Variants in CUX1 observed in about 807,000 individuals in gnomAD.
The protein encoded by CUX1 is cut like homeobox 1.
CUX1 carries 31 observed loss-of-function variants against 158.8 expected under a neutral mutation model. The observed-to-expected ratio is 0.20, with a 90% CI of 0.15 to 0.26. The LOEUF (loss-of-function observed/expected upper bound fraction) is 0.26. CUX1 is among the 10% of genes least tolerant of loss of function. The pLI is 1.00. For missense variants in CUX1, 1,589 were observed against 2,014.6 expected, an observed-to-expected ratio of 0.79 and a Z score of 4.04; for synonymous variants, 879 against 862.1, an observed-to-expected ratio of 1.02 and a Z score of -0.34.
At chr7:102,209,350 A>G (rs1356586608) in intron 20 of CUX1, among the ~76,000 whole-genome samples, 3 of 152,210 alleles carry the variant, frequency 2.0e-5, no homozygotes, top group Non-Finnish European at 4.4e-5. Flanking sequence ...GGGCTTGGGC[A>G]TTAAGGAAAT....
intron 2 of CUX1, among the ~76,000 whole-genome samples, chr7:102,009,515 A>G (rs1283776511): frequency 1.3e-5 from 2 of 152,172 alleles, no homozygotes; most frequent in South Asian, 2.1e-4. Context: ...CTGGTCTCGA[A>G]CTCCTGACCT....
At chr7:101,868,658 G>C (rs986496962) in intron 1 of CUX1, among the ~76,000 whole-genome samples, 2 of 152,194 alleles carry the variant, frequency 1.3e-5, no homozygotes, top group African/African-American at 4.8e-5. Flanking sequence ...TGGGGTTACT[G>C]AAGCAGGAGT....
intron 2 of CUX1, among the ~76,000 whole-genome samples, chr7:101,948,966 T>G (rs1029618451): frequency 2.0e-5 from 3 of 152,188 alleles, no homozygotes; most frequent in Admixed American, 6.5e-5. Context: ...GCACAGAAGT[T>G]CAGAGTAGGT....
Position 102,178,409 on chromosome 7 carries a change from T to C in CUX1, c.829-60T>C, listed in dbSNP as rs1317906737. ...CTTCTGTCTCAGTTGCCAGCACAGG[T>C]AGCCTCGAGCACCCGCCTCAAGGCC... On this transcript the variant is annotated intron_variant, in intron 10 of 23. Coordinates refer to ENST00000292535, the MANE Select transcript of CUX1 (RefSeq NM_181552.4). 16 of 1,488,160 alleles carry C rather than the reference T, an allele frequency of 1.1e-5. No individual in the cohort carries two copies. In the East Asian group the frequency reaches 3.7e-4, roughly 34 times the overall value. The allele number at this position is 1,488,160 out of a possible 1,614,324, so 92.2% of individuals were successfully genotyped here.
chr7:101,834,952 C>T (rs1794461876), intron 1 of CUX1, among the ~76,000 whole-genome samples: 2 of 151,854 alleles, frequency 1.3e-5, no homozygotes, highest in Admixed American at 1.3e-4. Flanking sequence ...GCCAAGATCT[C>T]GCCACTGCAC....
chr7:102,142,078 G>A (rs947382007), intron 8 of CUX1, among the ~76,000 whole-genome samples: 33 of 152,126 alleles, frequency 2.2e-4, no homozygotes, highest in Non-Finnish European at 3.2e-4. Flanking sequence ...GCACCACTGC[G>A]CCGCCCTGCA....
intron 13 of CUX1, among the ~76,000 whole-genome samples, chr7:102,194,634 G>T (rs1794606904): frequency 6.6e-6 from 1 of 151,462 alleles, no homozygotes; most frequent in South Asian, 2.1e-4. Flanking sequence ...AGCCAAAAAT[G>T]GATTGGTTTA....
intron 8 of CUX1, among the ~76,000 whole-genome samples, chr7:102,134,107 G>A (rs782374845): frequency 2.0e-5 from 3 of 152,162 alleles, no homozygotes; most frequent in Non-Finnish European, 4.4e-5. Flanking sequence ...GGCCAAGGTG[G>A]GCAGATCACT....
intron 2 of CUX1, among the ~76,000 whole-genome samples, chr7:101,964,399 T>G (rs1810887888): frequency 6.6e-6 from 1 of 152,138 alleles, no homozygotes; most frequent in Non-Finnish European, 1.5e-5. Context: ...GGGCCCAGGT[T>G]TCGTCACCAA....
At chr7:102,157,875 T>G (rs755774084) in intron 8 of CUX1, among the ~76,000 whole-genome samples, 1 of 152,182 alleles carries the variant, frequency 6.6e-6, no homozygotes, top group Non-Finnish European at 1.5e-5. Flanking sequence ...CTCAAGGAAG[T>G]ACTTTCAAAA....
At chr7:102,029,793 G>A (rs939225444) in intron 3 of CUX1, among the ~76,000 whole-genome samples, 2 of 152,122 alleles carry the variant, frequency 1.3e-5, no homozygotes, top group African/African-American at 2.4e-5. Flanking sequence ...TCATCTCCAA[G>A]CCCGTAGTTG....
At chr7:101,852,817 T>C (rs1451560111) in intron 1 of CUX1, among the ~76,000 whole-genome samples, 1 of 151,646 alleles carries the variant, frequency 6.6e-6, no homozygotes, top group Non-Finnish European at 1.5e-5. Flanking sequence ...GCTGGGATTA[T>C]AGGCACATGC....
chr7:101,849,831 C>T (rs1294946838), intron 1 of CUX1, among the ~76,000 whole-genome samples: 1 of 151,910 alleles, frequency 6.6e-6, no homozygotes, highest in East Asian at 1.9e-4. Context: ...TCTCCACAAC[C>T]TTGCCAGCAT....
chr7:102,058,303 A>C (rs1824389724), intron 3 of CUX1, among the ~76,000 whole-genome samples: 1 of 152,128 alleles, frequency 6.6e-6, no homozygotes, highest in Non-Finnish European at 1.5e-5. Context: ...TTTTTGAGAC[A>C]GTCTCCGTCA....
chr7:102,163,249 G>A (rs1298289065), intron 9 of CUX1, among the ~76,000 whole-genome samples: 1 of 152,078 alleles, frequency 6.6e-6, no homozygotes, highest in African/African-American at 2.4e-5. Context: ...AGTTGGAGAG[G>A]CCGAGGCAGG....
rs112037989 is a variant in CUX1, at chr7:102,057,001, A to C, written c.190-13338A>C. 6.6e-5 allele frequency among the ~76,000 whole-genome samples: 10 copies of C among 151,082 alleles called. 1 individual carries two copies. Among genetic ancestry groups the C allele is most frequent in the Admixed American group, 2.0e-4 (3 of 15,138 alleles). On this transcript the variant is annotated intron_variant, in intron 3 of 23. Transcript: ENST00000292535. ...ACTGCAACCTCTGCCTCCTGGGTTC[A>C]AGTGATTCTCCTGCCTCAGCCTCCC...
At chr7:102,279,040 CA>C (rs1791844707) in intron 18 of CUX1, among the ~76,000 whole-genome samples, 1 of 151,206 alleles carries the variant, frequency 6.6e-6, no homozygotes, top group African/African-American at 2.4e-5. Context: ...ACCCTGCCTC[CA>C]AAAAATAAAA....
At chr7:102,241,228 G>A (rs1554534877) in intron 23 of CUX1, among the ~76,000 whole-genome samples, 1 of 152,172 alleles carries the variant, frequency 6.6e-6, no homozygotes. Context: ...AGTGTTTGGA[G>A]TAGATGGAGG....
intron 2 of CUX1, among the ~76,000 whole-genome samples, chr7:101,920,198 T>G (rs1804751754): frequency 6.6e-6 from 1 of 151,968 alleles, no homozygotes; most frequent in Non-Finnish European, 1.5e-5. Context: ...CTTGGCTCAC[T>G]GCAACTTCCA....
Sources: allele counts gnomAD v4.1 joint callset (sites outside exome capture counted in the v4.1 genomes callset), GRCh38; gene constraint gnomAD v4.1.1; transcripts MANE v1.5; gene names NCBI Gene and HGNC (gene_info 2026-07-23, HGNC 2026-07-21).